The following FAXC variants were observed in gnomAD, a reference collection of about 807,000 sequenced individuals.
FAXC encodes the protein failed axon connections homolog, metaxin like GST domain containing.
FAXC carries 10 observed loss-of-function variants against 41.9 expected under a neutral mutation model. The observed-to-expected ratio is 0.24, with a 90% confidence interval of 0.15 to 0.41. The LOEUF (loss-of-function observed/expected upper bound fraction) is 0.41. Ranked by LOEUF, FAXC falls within the 10% of genes least tolerant of loss-of-function variation. The pLI, the probability that FAXC is intolerant of heterozygous loss-of-function variation, is 1.00. For synonymous variants in FAXC, 183 were observed against 183.8 expected (o/e 1.00, Z 0.03); for missense variants, 399 against 510.9 (o/e 0.78, Z 2.11).
intron 4 of FAXC, among the ~76,000 whole-genome samples, chr6:99,316,774 A>G (rs1322836789): frequency 6.6e-6 from 1 of 152,212 alleles, no homozygotes; most frequent in Non-Finnish European, 1.5e-5. Context: ...TTCACCTTCC[A>G]TGAACTAAGT....
At chr6:99,327,850 G>C (rs1361179288) in intron 3 of FAXC, among the ~76,000 whole-genome samples, 1 of 152,050 alleles carries the variant, frequency 6.6e-6, no homozygotes, top group Non-Finnish European at 1.5e-5. Context: ...GTCACCCTGT[G>C]AATTTGCCCT....
At chr6:99,311,501 G>A (rs1312043744) in intron 4 of FAXC, among the ~76,000 whole-genome samples, 1 of 152,152 alleles carries the variant, frequency 6.6e-6, no homozygotes, top group African/African-American at 2.4e-5. Context: ...CTTGAACTTG[G>A]GAGGTGGAGG....
chr6:99,336,855 C>T (rs888974094), intron 2 of FAXC, among the ~76,000 whole-genome samples: 4 of 152,120 alleles, frequency 2.6e-5, no homozygotes, highest in Non-Finnish European at 5.9e-5. Context: ...AGTCTTGGGA[C>T]TCTGATTTGA....
chr6:99,319,239 T>C (rs1772496204), intron 4 of FAXC, among the ~76,000 whole-genome samples: 1 of 151,592 alleles, frequency 6.6e-6, no homozygotes, highest in Non-Finnish European at 1.5e-5. Context: ...CTACTAAAAA[T>C]ACAAAAAAAA....
At chr6:99,348,294 A>G (rs1379622696) in intron 1 of FAXC, among the ~76,000 whole-genome samples, 1 of 152,230 alleles carries the variant, frequency 6.6e-6, no homozygotes, top group Non-Finnish European at 1.5e-5. Context: ...TGATGTATCA[A>G]TTAGCCAAAC....
In FAXC at chr6:99,281,170, G is replaced by C. The variant is rs780125241; in HGVS notation, c.1224C>G (p.Cys408Trp). The C allele has an allele frequency of 1.5e-6, 2 of 1,374,260 alleles. No homozygotes were observed. Among genetic ancestry groups the C allele is most frequent in the Non-Finnish European group, 2.1e-6 (2 of 961,256 alleles). The allele number at this position is 1,374,260 out of a possible 1,614,324, so 85.1% of individuals were successfully genotyped here. The change falls in exon 6 of 6, where the codon TGC (cysteine) becomes TGG (tryptophan). Residue 408 changes from cysteine (C) to tryptophan (W), a missense_variant. Physicochemically the swap from Cys to Trp is radical, Grantham distance 215. Around this residue, in one of 3 missense-constraint regions of FAXC, gnomAD observed 92 missense variants for 94.9 expected, o/e 0.97. Coordinates refer to ENST00000389677, the MANE Select transcript of FAXC (RefSeq NM_032511.4). ...GGGTCAGTGAGGCTGGACGTCACTT[G>C]CACTGTTCGTGGTCTGTATAGTCAT... ...DMDDYTDHEQ[C>W]K
intron 3 of FAXC, among the ~76,000 whole-genome samples, chr6:99,329,398 G>A (rs928253990): frequency 4.6e-5 from 7 of 152,126 alleles, no homozygotes; most frequent in Non-Finnish European, 7.4e-5. Context: ...TACCTGGCCC[G>A]TGATAGAAAT....
chr6:99,298,918 C>T (rs1000019872), intron 4 of FAXC, among the ~76,000 whole-genome samples: 1 of 152,098 alleles, frequency 6.6e-6, no homozygotes, highest in Admixed American at 6.6e-5. Context: ...CCAGATACTC[C>T]CCATCCCCAA....
intron 5 of FAXC, among the ~76,000 whole-genome samples, chr6:99,282,414 A>C (rs1299198870): frequency 1.3e-5 from 2 of 152,208 alleles, no homozygotes; most frequent in African/African-American, 4.8e-5. Flanking sequence ...TTTATGGATA[A>C]GTGTGCCTGC....
intron 5 of FAXC, among the ~76,000 whole-genome samples, chr6:99,284,598 T>A (rs7749706): frequency 0.064 from 9,189 of 142,730 alleles, 357 homozygotes; most frequent in Non-Finnish European, 0.076. Context: ...TGTGTGTGTG[T>A]GATAAGCCTG....
chr6:99,332,267 C>T (rs996261882), intron 3 of FAXC, among the ~76,000 whole-genome samples: 1 of 152,126 alleles, frequency 6.6e-6, no homozygotes, highest in African/African-American at 2.4e-5. Context: ...GAAGAAAGAA[C>T]CTTCTCCAGT....
At position 99,349,222 on chromosome 6, in the gene FAXC, C is replaced by G; in HGVS notation, c.151G>C (p.Gly51Arg). 6.2e-7 allele frequency: 1 copy of G among 1,613,970 alleles called. No homozygotes were observed. Among genetic ancestry groups the G allele is most frequent in the Non-Finnish European group, 8.5e-7 (1 of 1,180,010 alleles). The stretch of plus-strand genomic sequence containing the variant: ...GAGCCCAGCCCTGCCATGATCCCAC[C>G]GTAATCCTGCAAAGGGAAAGCGATG... The part of the protein sequence containing the change: ...DIIAFPLQDY[G>R]GIMAGLGSDP... Residue 51 changes from glycine to arginine, a missense_variant, in exon 1 of 6, where the codon GGT becomes CGT. This residue lies in a region of FAXC where 68 missense variants were observed against 63.4 expected (regional missense o/e 1.07). Transcript: ENST00000389677.
At chr6:99,344,526 T>C (rs1448769835) in intron 1 of FAXC, among the ~76,000 whole-genome samples, 1 of 151,998 alleles carries the variant, frequency 6.6e-6, no homozygotes, top group Admixed American at 6.6e-5. Context: ...TCTTGAAAAG[T>C]TTACCACCCA....
chr6:99,343,043 C>A lies in FAXC; in HGVS notation c.267-10G>T. ...AATCTCTTGCTGTTTCCTGTCAAAACCAAAACAGAAATAAAGTACAATCCA... is the reference window on the plus strand; with the variant it reads ...AATCTCTTGCTGTTTCCTGTCAAAAACAAAACAGAAATAAAGTACAATCCA... On this transcript the variant is annotated splice_polypyrimidine_tract_variant and intron_variant, in intron 1 of 5. Coordinates refer to ENST00000389677, the MANE Select transcript of FAXC (RefSeq NM_032511.4). 6.3e-7 allele frequency: 1 copy of A among 1,592,754 alleles called. No individual in the cohort carries two copies. The highest frequency in any genetic ancestry group is 1.2e-5 in the South Asian group (1 of 86,578).
At chr6:99,311,590 AATAC>A (rs960919493) in intron 4 of FAXC, among the ~76,000 whole-genome samples, 3 of 152,126 alleles carry the variant, frequency 2.0e-5, no homozygotes, top group East Asian at 1.9e-4. Flanking sequence ...TAAATAAATA[AATAC>A]ATACATACAT....
chr6:99,344,224 T>A (rs1161594810), intron 1 of FAXC, among the ~76,000 whole-genome samples: 1 of 152,126 alleles, frequency 6.6e-6, no homozygotes, highest in Non-Finnish European at 1.5e-5. Flanking sequence ...TTTATCCCCA[T>A]CCAAAGAGAT....
At position 99,301,727 on chromosome 6, in the gene FAXC, C is replaced by T. The variant is rs1213796851; in HGVS notation, c.824-9907G>A. Among the ~76,000 whole-genome samples the T allele has an allele frequency of 2.6e-5, 4 of 152,150 alleles. No individual in the cohort carries two copies. The East Asian group carries it at 5.8e-4, about 22-fold the overall frequency. On this transcript the variant is annotated intron_variant, in intron 4 of 5. Transcript: ENST00000389677. ...ACTGAAAGATAAGATTCTACTTCTACAAGATGTAAAACCTTTTATCTAAAT... is the reference window on the plus strand; with the variant it reads ...ACTGAAAGATAAGATTCTACTTCTATAAGATGTAAAACCTTTTATCTAAAT...
rs1770598533 is a variant in FAXC, at chr6:99,276,063, A to G, written c.*5101T>C. On this transcript the variant is annotated 3_prime_UTR_variant, in exon 6 of 6. Coordinates refer to ENST00000389677, the MANE Select transcript of FAXC (RefSeq NM_032511.4). ...CATTGAGTGTACTTTTATCAGTTCT[A>G]GTTTGACTTAAATAGCACTGCATAT... 6.6e-6 allele frequency: 1 copy of G among 152,058 alleles called. No individual in the cohort carries two copies. The highest frequency in any genetic ancestry group is 1.5e-5 in the Non-Finnish European group (1 of 68,012). The allele number at this position is 152,058 out of a possible 1,614,324, so 9.4% of individuals were successfully genotyped here. A position where few individuals can be genotyped will look rare whatever the true frequency, so the allele number is the denominator to read the frequency against.
In FAXC at chr6:99,274,927, T is replaced by C. The variant is rs1323869369; in HGVS notation, c.*6237A>G. On this transcript the variant is annotated 3_prime_UTR_variant, in exon 6 of 6. Coordinates refer to ENST00000389677, the MANE Select transcript of FAXC (RefSeq NM_032511.4). ...TTAAAGAGGAGGAAGACAGTAAATA[T>C]TCAGAGCATTCCTCTTTTTTAGCCC... 6.6e-6 allele frequency: 1 copy of C among 152,200 alleles called. No homozygotes were observed. Among genetic ancestry groups the C allele is most frequent in the Non-Finnish European group, 1.5e-5 (1 of 68,022 alleles). The allele number at this position is 152,200 out of a possible 1,614,324, so 9.4% of individuals were successfully genotyped here. A position where few individuals can be genotyped will look rare whatever the true frequency, so the allele number is the denominator to read the frequency against.
Sources: allele counts gnomAD v4.1 joint callset (sites outside exome capture counted in the v4.1 genomes callset), GRCh38; gene constraint gnomAD v4.1.1; regional missense constraint gnomAD v4.1.1; transcripts MANE v1.5; gene names NCBI Gene and HGNC (gene_info 2026-07-23, HGNC 2026-07-21).